Variants in RAB3GAP2 observed in about 807,000 individuals in gnomAD.
The protein encoded by RAB3GAP2 is rab3 GTPase-activating protein non-catalytic subunit.
In RAB3GAP2, 87 loss-of-function variants were observed where a neutral mutation model predicts 185.3. The observed-to-expected ratio is 0.47, with a 90% CI of 0.39 to 0.56. RAB3GAP2 has a LOEUF of 0.56. RAB3GAP2 is among the 20% of genes least tolerant of loss of function. The pLI, the probability that RAB3GAP2 is intolerant of heterozygous loss-of-function variation, is 0.00. For missense variants in RAB3GAP2, 1,492 were observed against 1,638.2 expected (o/e 0.91, Z 1.54); for synonymous variants, 554 against 576.1 (o/e 0.96, Z 0.55).
At chr1:220,208,609 T>C (rs940458170) in intron 7 of RAB3GAP2, among the ~76,000 whole-genome samples, 1 of 152,254 alleles carries the variant, frequency 6.6e-6, no homozygotes, top group African/African-American at 2.4e-5. Flanking sequence ...ATTCCAACTT[T>C]GACAATGGCA....
chr1:220,237,134 G>A (rs796886513), intron 1 of RAB3GAP2, among the ~76,000 whole-genome samples: 1 of 152,076 alleles, frequency 6.6e-6, no homozygotes, highest in South Asian at 2.1e-4. Flanking sequence ...TTAACAAAAG[G>A]TATCATGGAA....
intron 1 of RAB3GAP2, among the ~76,000 whole-genome samples, chr1:220,258,650 G>A (rs1190015473): frequency 6.6e-6 from 1 of 152,130 alleles, no homozygotes; most frequent in Non-Finnish European, 1.5e-5. Context: ...GGCAAAAGCT[G>A]GAAGCATTTC....
chr1:220,163,546 T>C (rs796424795), intron 27 of RAB3GAP2, among the ~76,000 whole-genome samples: 2 of 151,276 alleles, frequency 1.3e-5, no homozygotes, highest in South Asian at 4.2e-4. Context: ...ATATTTTTAG[T>C]AGAGACAGGG....
chr1:220,190,288 A>G (rs1658590445), intron 15 of RAB3GAP2, 89 bp downstream of exon 15: 1 of 1,579,602 alleles, frequency 6.3e-7, no homozygotes, highest in Non-Finnish European at 8.7e-7. Context: ...AAACAACAAA[A>G]TAGCAACTAC....
intron 17 of RAB3GAP2, among the ~76,000 whole-genome samples, chr1:220,188,264 G>A (rs1181762983): frequency 6.6e-6 from 1 of 152,124 alleles, no homozygotes; most frequent in Non-Finnish European, 1.5e-5. Context: ...GTTCCTACTT[G>A]AAGGAGCTTA....
intron 27 of RAB3GAP2, among the ~76,000 whole-genome samples, chr1:220,162,663 A>G (rs776158936): frequency 6.6e-6 from 1 of 152,222 alleles, no homozygotes; most frequent in Non-Finnish European, 1.5e-5. Flanking sequence ...TGGTATAATA[A>G]TTTGGTAAAA....
At chr1:220,216,148 C>T (rs1558158991) in intron 2 of RAB3GAP2, among the ~76,000 whole-genome samples, 2 of 152,050 alleles carry the variant, frequency 1.3e-5, no homozygotes, top group Admixed American at 6.6e-5. Context: ...TTTTCTTTTG[C>T]AATGGGATAT....
chr1:220,202,333 C>T lies in RAB3GAP2; in HGVS notation c.754G>A (p.Ala252Thr). ...GNENIQPPPL[A>T]YKKWGLQDID... ...TCTTGTAGACCCCATTTCTTATAAGCTAATGGTGGTGGTTGTATGTTCTCA... is the reference window on the plus strand; with the variant it reads ...TCTTGTAGACCCCATTTCTTATAAGTTAATGGTGGTGGTTGTATGTTCTCA... The change falls in exon 9 of 35, where the codon GCT becomes ACT. Residue 252 changes from alanine to threonine, a missense_variant. Ala to Thr is a moderately conservative substitution (Grantham distance 58, BLOSUM62 0). Around this residue, in one of 5 missense-constraint regions of RAB3GAP2, gnomAD observed 243 missense variants for 314.8 expected, o/e 0.77. Coordinates refer to ENST00000358951, the MANE Select transcript of RAB3GAP2 (RefSeq NM_012414.4). The T allele has an allele frequency of 6.2e-7, 1 of 1,613,802 alleles. No individual in the cohort carries two copies. The highest frequency in any genetic ancestry group is 8.5e-7 in the Non-Finnish European group (1 of 1,179,886).
intron 1 of RAB3GAP2, among the ~76,000 whole-genome samples, chr1:220,235,876 T>C (rs987893668): frequency 3.3e-5 from 5 of 152,124 alleles, no homozygotes; most frequent in Admixed American, 2.6e-4. Flanking sequence ...GATATTTAGG[T>C]TTATGAAGGT....
At chr1:220,240,076 C>T (rs1192579722) in intron 1 of RAB3GAP2, among the ~76,000 whole-genome samples, 5 of 149,354 alleles carry the variant, frequency 3.3e-5, no homozygotes, top group Non-Finnish European at 5.9e-5. Context: ...GTGACTAAAA[C>T]AGGTTACACT....
At chr1:220,184,260 C>T in intron 18 of RAB3GAP2, 97 bp from the exon 19 acceptor site, 1 of 1,126,116 alleles carries the variant, frequency 8.9e-7, no homozygotes, top group Admixed American at 1.8e-5. Context: ...ATGTAATTCC[C>T]TGATGCTCTG....
chr1:220,175,449 C>A (rs1658269653), intron 21 of RAB3GAP2, among the ~76,000 whole-genome samples: 1 of 151,960 alleles, frequency 6.6e-6, no homozygotes, highest in Non-Finnish European at 1.5e-5. Flanking sequence ...GAACTCCTGA[C>A]CTCGTGATTC....
rs2102865984 is a variant in RAB3GAP2, at chr1:220,183,893, G to A, written c.1998+143C>T. On this transcript the variant is annotated intron_variant, in intron 19 of 34. Coordinates refer to ENST00000358951, the MANE Select transcript of RAB3GAP2 (RefSeq NM_012414.4). ...TAAATATAGCAGCAAAGCACAGAGA[G>A]CTAGCAGGGGGCTTGGTAAGGAAAA... 6 of 612,122 alleles carry A rather than the reference G, an allele frequency of 9.8e-6. No individual in the cohort carries two copies. The South Asian group carries it at 1.4e-4, about 14-fold the overall frequency. The allele number at this position is 612,122 out of a possible 1,614,324, so 37.9% of individuals were successfully genotyped here. A position where few individuals can be genotyped will look rare whatever the true frequency, so the allele number is the denominator to read the frequency against.
intron 1 of RAB3GAP2, among the ~76,000 whole-genome samples, chr1:220,269,329 C>T (rs978314191): frequency 6.6e-6 from 1 of 152,066 alleles, no homozygotes; most frequent in African/African-American, 2.4e-5. Flanking sequence ...TGTATAAGGT[C>T]CAAGAAATGG....
At chr1:220,211,451 T>C (rs1659083585) in intron 4 of RAB3GAP2, 4 of 452,548 alleles carry the variant, frequency 8.8e-6, no homozygotes, top group Admixed American at 2.4e-5. Context: ...TCACGTTACA[T>C]GCAAACTGTA....
intron 13 of RAB3GAP2, among the ~76,000 whole-genome samples, chr1:220,193,020 G>A (rs1658653472): frequency 6.6e-6 from 1 of 152,130 alleles, no homozygotes; most frequent in African/African-American, 2.4e-5. Flanking sequence ...AAGTGCAAAA[G>A]GCAAAGGTTA....
At chr1:220,217,996 A>T (rs1659229635) in intron 2 of RAB3GAP2, among the ~76,000 whole-genome samples, 1 of 152,214 alleles carries the variant, frequency 6.6e-6, no homozygotes, top group South Asian at 2.1e-4. Flanking sequence ...AGGACTACCC[A>T]TGACAAAAGC....
chr1:220,175,294 T>C (rs1268885149), intron 21 of RAB3GAP2, among the ~76,000 whole-genome samples: 1 of 152,142 alleles, frequency 6.6e-6, no homozygotes, highest in African/African-American at 2.4e-5. Context: ...TGGCGCGATC[T>C]TGGCTCACGA....
chr1:220,233,967 T>C lies in RAB3GAP2; in HGVS notation c.116-1104A>G, dbSNP rs577299964. Among the ~76,000 whole-genome samples, 80 of 152,158 alleles carry C rather than the reference T, an allele frequency of 5.3e-4. 2 individuals carry two copies. In the South Asian group the frequency reaches 0.016, roughly 30 times the overall value. ...CCACCCACCTTGGCCTCCCAAAGTG[T>C]TGGGATTACAGGCGTGGATCACCAC... On this transcript the variant is annotated intron_variant, in intron 1 of 34. Coordinates refer to ENST00000358951, the MANE Select transcript of RAB3GAP2 (RefSeq NM_012414.4).
Sources: allele counts gnomAD v4.1 joint callset (sites outside exome capture counted in the v4.1 genomes callset), GRCh38; gene constraint gnomAD v4.1.1; regional missense constraint gnomAD v4.1.1; transcripts MANE v1.5; gene names NCBI Gene and HGNC (gene_info 2026-07-23, HGNC 2026-07-21).